The following EVC variants were observed in gnomAD, a reference collection of about 807,000 sequenced individuals.
EVC encodes evC complex member EVC.
EVC carries 116 observed loss-of-function variants against 118.9 expected under a neutral mutation model. The observed-to-expected ratio is 0.98, with a 90% CI of 0.84 to 1.14. The LOEUF is 1.14. EVC is among the 50% of genes most tolerant of loss of function. The probability of loss-of-function intolerance (pLI) is 0.00; values close to 1 mark genes in which losing one functional copy is unlikely to be tolerated. For missense variants in EVC, 1,401 were observed against 1,246.4 expected (o/e 1.12, Z -1.87); for synonymous variants, 619 against 534.7 (o/e 1.16, Z -2.18).
At chr4:5,748,036 T>A in intron 7 of EVC, 112 bp from the exon 8 acceptor site, 2 of 1,198,856 alleles carry the variant, frequency 1.7e-6, no homozygotes, top group Non-Finnish European at 2.4e-6. Flanking sequence ...GTAGAATTGT[T>A]TAGAATCTTT....
rs1202771353 is a variant in EVC at position 5,719,390 on chromosome 4, T to G, written c.300+17T>G. On this transcript the variant is annotated intron_variant, in intron 2 of 20. Coordinates refer to ENST00000264956, the MANE Select transcript of EVC (RefSeq NM_153717.3). This position sits in a 1 kb window ranked among gnomAD's most constrained non-coding sequence, Gnocchi z 4.7. Reference sequence around the variant, plus strand: ...GCTGTTGATGTAAGCTTGGTGTTGATGTTTGTTTGTGGAGGCACATGTGGG... The same window carrying G: ...GCTGTTGATGTAAGCTTGGTGTTGAGGTTTGTTTGTGGAGGCACATGTGGG... 2 of 1,613,984 alleles carry G rather than the reference T, an allele frequency of 1.2e-6. No individual in the cohort carries two copies. Among genetic ancestry groups the G allele is most frequent in the Admixed American group, 3.3e-5 (2 of 60,020 alleles).
At position 5,755,858 on chromosome 4, in the gene EVC, G is replaced by A. The variant is rs1018989109; in HGVS notation, c.1465-406G>A. ...GGGCCTCCACCCCGTGGTCACAGTG[G>A]GGCCTGGCTGGTTGCTGACTGCACT... is the stretch of plus-strand genomic sequence containing the variant. On this transcript the variant is annotated intron_variant, in intron 10 of 20. Coordinates refer to ENST00000264956, the MANE Select transcript of EVC (RefSeq NM_153717.3). The surrounding 1 kb of genome is among the most constrained non-coding windows in gnomAD (Gnocchi z 4.1). 6.6e-6 allele frequency among the ~76,000 whole-genome samples: 1 copy of A among 152,136 alleles called. No individual in the cohort carries two copies. The highest frequency in any genetic ancestry group is 2.4e-5 in the African/African-American group (1 of 41,432).
chr4:5,740,464 C>A, intron 5 of EVC, among the ~76,000 whole-genome samples: 1 of 132,700 alleles, frequency 7.5e-6, no homozygotes, highest in African/African-American at 3.0e-5. Flanking sequence ...GACTGATACT[C>A]CATCTCAAAA....
At chr4:5,760,652 C>T (rs796122630) in intron 11 of EVC, among the ~76,000 whole-genome samples, 3 of 152,194 alleles carry the variant, frequency 2.0e-5, no homozygotes, top group African/African-American at 7.2e-5. Context: ...TCCTGGGTTC[C>T]AGAGATTCTT....
downstream of EVC, among the ~76,000 whole-genome samples, chr4:5,816,648 C>T (rs1345507577): frequency 1.4e-5 from 2 of 138,694 alleles, no homozygotes; most frequent in Non-Finnish European, 3.2e-5. Context: ...CCCTCTCTCC[C>T]TTCCCTCCCT....
chr4:5,806,393 G>A (rs576528758), intron 17 of EVC, among the ~76,000 whole-genome samples: 105 of 152,024 alleles, frequency 6.9e-4, no homozygotes, highest in South Asian at 3.4e-3. Context: ...CATTCTACTC[G>A]CTGTGTCCAT....
the EVC span, chr4:5,828,608 T>G: frequency 1.2e-6 from 2 of 1,614,222 alleles, no homozygotes; most frequent in Non-Finnish European, 1.7e-6. Flanking sequence ...TTGCCCTGGC[T>G]GATGACCACT....
chr4:5,793,512 C>T lies in EVC; in HGVS notation c.1777-96C>T, dbSNP rs58369380. 2.8e-3 allele frequency: 2,900 copies of T among 1,029,602 alleles called. 50 individuals carry two copies. The African/African-American group carries it at 0.039, about 14-fold the overall frequency. 63.8% of individuals were successfully genotyped at this position (1,029,602 alleles called of 1,614,324 possible). On this transcript the variant is annotated intron_variant, in intron 12 of 20. Coordinates refer to ENST00000264956, the MANE Select transcript of EVC (RefSeq NM_153717.3). ...GGCAGAAAGGGATTTAAAAAAGAAACGCACACAAACAAGAAACAAAATGCA... is the reference window on the plus strand; with the variant it reads ...GGCAGAAAGGGATTTAAAAAAGAAATGCACACAAACAAGAAACAAAATGCA...
chr4:5,796,822 TAAA>T (rs1714047422), intron 13 of EVC, among the ~76,000 whole-genome samples, 197 bp from the exon 14 acceptor site: 2 of 151,576 alleles, frequency 1.3e-5, no homozygotes, highest in Non-Finnish European at 2.9e-5. Context: ...GTGATGAGGT[TAAA>T]AAGATTAATA....
chr4:5,802,114 G>A lies in EVC; in HGVS notation c.2449+20G>A, dbSNP rs772814436. The A allele has an allele frequency of 1.9e-6, 3 of 1,614,122 alleles. No homozygotes were observed. The highest frequency in any genetic ancestry group is 2.5e-6 in the Non-Finnish European group (3 of 1,179,992). On this transcript the variant is annotated intron_variant, in intron 16 of 20. Transcript: ENST00000264956. ...TGCAGGGTACGGGACCCCCCCTCAG[G>A]GAAGCCCCAGAAGAGACTGGCAATG...
intron 5 of EVC, among the ~76,000 whole-genome samples, chr4:5,736,844 T>C (rs1317498226): frequency 6.6e-6 from 1 of 152,168 alleles, no homozygotes; most frequent in Non-Finnish European, 1.5e-5. Flanking sequence ...CACAGTAATA[T>C]TGAAATTAAG....
chr4:5,812,002 C>T lies in EVC; in HGVS notation c.*965C>T, dbSNP rs1716981501. 1 of 161,012 alleles carries T rather than the reference C, an allele frequency of 6.2e-6. No individual in the cohort carries two copies. Among genetic ancestry groups the T allele is most frequent in the African/African-American group, 2.5e-5 (1 of 40,176 alleles). The allele number at this position is 161,012 out of a possible 1,614,324, so 10.0% of individuals were successfully genotyped here. ...CCACAGCCAGGAGAGGCCTTTCCCA[C>T]CTGGACAGAAACTTCCAGACCAGCC... On this transcript the variant is annotated 3_prime_UTR_variant, in exon 21 of 21. Coordinates refer to ENST00000264956, the MANE Select transcript of EVC (RefSeq NM_153717.3).
chr4:5,775,428 T>TA (rs796142302), intron 11 of EVC, among the ~76,000 whole-genome samples: 4 of 152,258 alleles, frequency 2.6e-5, no homozygotes, highest in African/African-American at 9.6e-5. Context: ...ATCCAGCTGA[T>TA]ACAGAAATCA....
At chr4:5,752,333 A>G (rs1730505283) in intron 8 of EVC, among the ~76,000 whole-genome samples, 2 of 152,096 alleles carry the variant, frequency 1.3e-5, no homozygotes, top group African/African-American at 4.8e-5. Context: ...CTTCTGTAGA[A>G]TCTGACTGCG....
intron 1 of EVC, among the ~76,000 whole-genome samples, chr4:5,715,010 T>C (rs758928089): frequency 7.9e-5 from 12 of 151,420 alleles, no homozygotes; most frequent in Non-Finnish European, 1.5e-4. Context: ...GTTAGAGTTT[T>C]GCCATGTTGC....
In EVC at chr4:5,755,567, T is replaced by G. The variant is rs1419280486; in HGVS notation, c.1465-697T>G. Among the ~76,000 whole-genome samples the G allele has an allele frequency of 6.6e-6, 1 of 152,088 alleles. No homozygotes were observed. Among genetic ancestry groups the G allele is most frequent in the Admixed American group, 6.5e-5 (1 of 15,280 alleles). On this transcript the variant is annotated intron_variant, in intron 10 of 20. Transcript: ENST00000264956. The surrounding 1 kb of genome is among the most constrained non-coding windows in gnomAD (Gnocchi z 4.1). The stretch of plus-strand genomic sequence containing the variant: ...AGCATCACCAAAGATCTTAGGGGGT[T>G]TACCTCCTGGTCTCTGCTGCTGCTC...
intron 11 of EVC, among the ~76,000 whole-genome samples, chr4:5,771,840 C>G (rs1158054231): frequency 1.3e-5 from 2 of 152,124 alleles, no homozygotes; most frequent in East Asian, 3.9e-4. Context: ...CTGGGTGATT[C>G]ATATCTCCCT....
chr4:5,741,888 A>AT (rs1278761768), intron 6 of EVC, 74 bp downstream of exon 6: 20 of 776,998 alleles, frequency 2.6e-5, no homozygotes, highest in Middle Eastern at 3.7e-4. Flanking sequence ...TGATGCAAAA[A>AT]TTTTTTTCTT....
At position 5,749,037 on chromosome 4, in the gene EVC, T is replaced by G. The variant is rs1729940609; in HGVS notation, c.1098+731T>G. Reference sequence around the variant, plus strand: ...CAATGACGATGGTGGGAGCTGGGGTTGACGCCCACTGGTGTAGACAGAGCA... The same window carrying G: ...CAATGACGATGGTGGGAGCTGGGGTGGACGCCCACTGGTGTAGACAGAGCA... On this transcript the variant is annotated intron_variant, in intron 8 of 20. Coordinates refer to ENST00000264956, the MANE Select transcript of EVC (RefSeq NM_153717.3). This position sits in a 1 kb window ranked among gnomAD's most constrained non-coding sequence, Gnocchi z 4.4. 6.6e-6 allele frequency among the ~76,000 whole-genome samples: 1 copy of G among 152,064 alleles called. No homozygotes were observed. The highest frequency in any genetic ancestry group is 2.1e-4 in the South Asian group (1 of 4,820).
Sources: gnomAD v4.1 joint callset for allele counts (sites outside exome capture counted in the v4.1 genomes callset) on GRCh38, gnomAD v4.1.1 for gene constraint, Gnocchi (gnomAD v3.1) non-coding constraint, MANE v1.5 for transcripts, NCBI Gene and HGNC (gene_info 2026-07-23, HGNC 2026-07-21) for gene names.